The following RBMS1 variants were observed in gnomAD, a reference collection of about 807,000 sequenced individuals.
RBMS1 encodes RNA binding motif single stranded interacting protein 1.
Under a neutral mutation model 62.3 loss-of-function variants are expected in RBMS1, and 17 were observed. That is an observed-to-expected ratio of 0.27 (90% CI 0.19 to 0.41). The LOEUF (loss-of-function observed/expected upper bound fraction) is 0.41, where lower values mean the gene tolerates loss of function less well. RBMS1 is among the 10% of genes least tolerant of loss of function. The pLI is 1.00. For synonymous variants in RBMS1, 172 were observed against 170.0 expected (o/e 1.01, Z -0.09); for missense variants, 334 against 504.5 (o/e 0.66, Z 3.24).
At chr2:160,288,044 TAA>T (rs11375665) in intron 6 of RBMS1, among the ~76,000 whole-genome samples, 41 of 144,678 alleles carry the variant, frequency 2.8e-4, no homozygotes, top group Admixed American at 8.9e-4. Flanking sequence ...TCATTAGAGT[TAA>T]AAAAAAAAAA....
chr2:160,374,131 GCCTGTAGT>G (rs1348146437), intron 1 of RBMS1, among the ~76,000 whole-genome samples: 1 of 152,212 alleles, frequency 6.6e-6, no homozygotes, highest in African/African-American at 2.4e-5. Context: ...GGTGGCACAC[GCCTGTAGT>G]CCCAGCTACT....
chr2:160,313,045 G>A, intron 4 of RBMS1, 111 bp downstream of exon 4: 2 of 1,003,188 alleles, frequency 2.0e-6, no homozygotes, highest in Non-Finnish European at 3.0e-6. Context: ...AGAAGGCGCT[G>A]TGCTGAGTGG....
At chr2:160,475,859 A>AT (rs34858686) in intron 1 of RBMS1, among the ~76,000 whole-genome samples, 42,209 of 141,972 alleles carry the variant, frequency 0.3, 6,785 homozygotes, top group Middle Eastern at 0.45. Flanking sequence ...TGGGCCCCCC[A>AT]TTTTTTTTTT....
At chr2:160,420,275 A>G (rs1358831022) in intron 1 of RBMS1, among the ~76,000 whole-genome samples, 1 of 152,016 alleles carries the variant, frequency 6.6e-6, no homozygotes, top group Non-Finnish European at 1.5e-5. Flanking sequence ...TTGGCTGCCC[A>G]TGAACTCACT....
intron 1 of RBMS1, among the ~76,000 whole-genome samples, chr2:160,412,221 G>A (rs1177325076): frequency 1.3e-5 from 2 of 152,274 alleles, no homozygotes; most frequent in African/African-American, 4.8e-5. Context: ...AATGCCTTCT[G>A]CCACTTAAAA....
At chr2:160,304,853 G>A (rs1490346392) in intron 4 of RBMS1, among the ~76,000 whole-genome samples, 1 of 152,056 alleles carries the variant, frequency 6.6e-6, no homozygotes, top group Non-Finnish European at 1.5e-5. Context: ...CATTAATGAA[G>A]AACAAAAATT....
intron 2 of RBMS1, among the ~76,000 whole-genome samples, chr2:160,357,995 T>C (rs567794192): frequency 6.6e-6 from 1 of 152,286 alleles, no homozygotes; most frequent in African/African-American, 2.4e-5. Context: ...AGAAGTACTG[T>C]ACATAAAGTA....
intron 1 of RBMS1, among the ~76,000 whole-genome samples, chr2:160,480,247 C>T (rs1685310855): frequency 1.3e-5 from 2 of 151,808 alleles, no homozygotes; most frequent in Admixed American, 1.3e-4. Context: ...ATAAACAAAG[C>T]CATCAAATAA....
intron 1 of RBMS1, among the ~76,000 whole-genome samples, chr2:160,457,250 G>C (rs577340338): frequency 6.6e-6 from 1 of 151,834 alleles, no homozygotes; most frequent in South Asian, 2.1e-4. Flanking sequence ...CCTGCCTCAG[G>C]CTCCCGAGTA....
intron 2 of RBMS1, among the ~76,000 whole-genome samples, chr2:160,337,165 G>A (rs1258334028): frequency 1.5e-5 from 2 of 137,230 alleles, no homozygotes; most frequent in African/African-American, 2.8e-5. Flanking sequence ...CCAGAGTCTC[G>A]CTCTATCGCC....
At chr2:160,354,122 T>A (rs1692666463) in intron 2 of RBMS1, among the ~76,000 whole-genome samples, 1 of 152,114 alleles carries the variant, frequency 6.6e-6, no homozygotes, top group African/African-American at 2.4e-5. Context: ...ACCTGACATG[T>A]AAATTTTGAT....
At chr2:160,304,947 C>T (rs1332900078) in intron 4 of RBMS1, among the ~76,000 whole-genome samples, 9 of 152,210 alleles carry the variant, frequency 5.9e-5, no homozygotes, top group East Asian at 5.8e-4. Flanking sequence ...TTCTGCCTCC[C>T]GGGTTCAAGC....
intron 1 of RBMS1, among the ~76,000 whole-genome samples, chr2:160,417,139 G>GCA (rs373434547): frequency 4.7e-4 from 71 of 151,752 alleles, no homozygotes; most frequent in African/African-American, 1.7e-3. Flanking sequence ...TCTTGCGCGT[G>GCA]CACACACACA....
chr2:160,281,833 ATT>A, intron 9 of RBMS1: 1 of 169,986 alleles, frequency 5.9e-6, no homozygotes, highest in Non-Finnish European at 1.3e-5. Flanking sequence ...ACCAAATTCA[ATT>A]TCTCTTTCAT....
chr2:160,387,163 T>A (rs1003415847), intron 1 of RBMS1, among the ~76,000 whole-genome samples: 1 of 152,172 alleles, frequency 6.6e-6, no homozygotes, highest in African/African-American at 2.4e-5. Context: ...AGCTGTTCAA[T>A]AGCCCTATAT....
intron 2 of RBMS1, among the ~76,000 whole-genome samples, chr2:160,350,497 A>G (rs1184162760): frequency 6.6e-6 from 1 of 152,090 alleles, no homozygotes; most frequent in African/African-American, 2.4e-5. Context: ...CACAACAGAT[A>G]TATCATTACT....
At chr2:160,470,681 T>A (rs1287022308) in intron 1 of RBMS1, among the ~76,000 whole-genome samples, 2 of 152,178 alleles carry the variant, frequency 1.3e-5, no homozygotes, top group African/African-American at 4.8e-5. Flanking sequence ...ATACCATCCG[T>A]GGCCCTCATC....
At chr2:160,382,220 T>C (rs1297769236) in intron 1 of RBMS1, among the ~76,000 whole-genome samples, 4 of 152,202 alleles carry the variant, frequency 2.6e-5, no homozygotes, top group African/African-American at 9.7e-5. Flanking sequence ...AAGGGCTAGA[T>C]GGTGGTGGAA....
chr2:160,445,379 A>G (rs1205878010), intron 1 of RBMS1, among the ~76,000 whole-genome samples: 3 of 152,236 alleles, frequency 2.0e-5, no homozygotes, highest in African/African-American at 7.2e-5. Flanking sequence ...CTAAAATGGA[A>G]TAAGAATGAA....
Sources: gnomAD v4.1 joint callset for allele counts (sites outside exome capture counted in the v4.1 genomes callset) on GRCh38, gnomAD v4.1.1 for gene constraint, MANE v1.5 for transcripts, NCBI Gene and HGNC (gene_info 2026-07-23, HGNC 2026-07-21) for gene names.